MID1: variants seen among roughly 807,000 people sequenced by gnomAD.
MID1 encodes midline 1.
A neutral mutation model predicts 40.4 loss-of-function variants in MID1; 7 were observed. The observed-to-expected ratio is 0.17, with a 90% CI of 0.10 to 0.33. MID1 has a LOEUF of 0.33. MID1 is among the 10% of genes least tolerant of loss of function. The pLI, the probability that MID1 is intolerant of heterozygous loss-of-function variation, is 1.00. For missense variants in MID1, 367 were observed against 558.5 expected, an observed-to-expected ratio of 0.66 and a Z score of 3.46; for synonymous variants, 229 against 221.2, an observed-to-expected ratio of 1.04 and a Z score of -0.31.
chrX:10,521,132 C>A (rs1262749882), intron 3 of MID1, among the ~76,000 whole-genome samples: 1 of 29,811 alleles, frequency 3.4e-5, no homozygotes. Context: ...GGGGGGCGGG[C>A]GGTGGGGGAG....
At chrX:10,790,167 GCTTT>G (rs2043918489) in intron 1 of MID1, among the ~76,000 whole-genome samples, 1 of 108,270 alleles carries the variant, frequency 9.2e-6, no homozygotes, top group South Asian at 3.9e-4. Context: ...TTCCTGCTCT[GCTTT>G]CTTTTTTTTT....
intron 2 of MID1, among the ~76,000 whole-genome samples, chrX:10,533,391 A>AAAGAAAGAAAG (rs1569089898): frequency 1.8e-5 from 1 of 55,064 alleles, no homozygotes; most frequent in Admixed American, 2.3e-4. Flanking sequence ...AGAAAGAAAG[A>AAAGAAAGAAAG]AAAGAAAGAA....
chrX:10,782,111 G>A (rs751180926), intron 1 of MID1, among the ~76,000 whole-genome samples: 34 of 112,311 alleles, frequency 3.0e-4, no homozygotes, highest in African/African-American at 9.7e-4. Context: ...GCATCTCAGC[G>A]TAAAGTGATT....
Position 10,447,690 on chromosome X carries a change from G to A in MID1, c.*1678C>T, listed in dbSNP as rs1181508179. 9.0e-6 allele frequency: 1 copy of A among 111,291 alleles called. No homozygotes were observed. Among genetic ancestry groups the A allele is most frequent in the Non-Finnish European group, 1.9e-5 (1 of 53,142 alleles). The allele number at this position is 111,291 out of a possible 1,213,427, so 9.2% of individuals were successfully genotyped here. A position where few individuals can be genotyped will look rare whatever the true frequency, so the allele number is the denominator to read the frequency against. The stretch of plus-strand genomic sequence containing the variant: ...ATAGAATCTATCTGTTAAGAAAAAG[G>A]AGAGTGTCTGCTAGGGAAGAGGATG... On this transcript the variant is annotated 3_prime_UTR_variant, in exon 10 of 10. Coordinates refer to ENST00000317552, the MANE Select transcript of MID1 (RefSeq NM_000381.4).
chrX:10,768,078 A>G (rs1025193337), intron 1 of MID1, among the ~76,000 whole-genome samples: 1 of 111,800 alleles, frequency 8.9e-6, no homozygotes. Flanking sequence ...AAATGAGAGC[A>G]ATTGTTTGAA....
intron 3 of MID1, among the ~76,000 whole-genome samples, chrX:10,508,799 C>T (rs762299514): frequency 1.8e-5 from 2 of 111,813 alleles, no homozygotes; most frequent in East Asian, 2.8e-4. Context: ...ACAGAAATAC[C>T]GAAGCCAGTT....
chrX:10,505,111 A>C (rs1375325465), intron 3 of MID1, among the ~76,000 whole-genome samples: 1 of 112,073 alleles, frequency 8.9e-6, no homozygotes, highest in Non-Finnish European at 1.9e-5. Context: ...TGCTCAATAA[A>C]TATTAGTTTT....
chrX:10,509,760 G>A (rs773676866), intron 3 of MID1, among the ~76,000 whole-genome samples: 1 of 112,168 alleles, frequency 8.9e-6, no homozygotes, highest in African/African-American at 3.2e-5. Context: ...TGAGCTTATC[G>A]GACATGCTGA....
chrX:10,504,983 C>A (rs1427325402), intron 3 of MID1, among the ~76,000 whole-genome samples: 1 of 111,711 alleles, frequency 9.0e-6, no homozygotes, highest in African/African-American at 3.2e-5. Context: ...AAGGAAAAAT[C>A]ATGGACTTTA....
chrX:10,547,606 A>AGGGAGGGAGGGAGGGG (rs1933740982), intron 2 of MID1, among the ~76,000 whole-genome samples: 1 of 82,642 alleles, frequency 1.2e-5, no homozygotes, highest in African/African-American at 8.6e-5. Context: ...GAAGGAAAGA[A>AGGGAGGGAGGGAGGGG]GGGAGGGTAA....
chrX:10,769,237 T>C (rs781521723), intron 1 of MID1, among the ~76,000 whole-genome samples: 1 of 109,638 alleles, frequency 9.1e-6, no homozygotes. Flanking sequence ...AAGCTGAAAA[T>C]AAGAGCTAAA....
chrX:10,689,537 A>G (rs911242127), intron 1 of MID1, among the ~76,000 whole-genome samples: 9 of 111,535 alleles, frequency 8.1e-5, no homozygotes, highest in African/African-American at 2.9e-4. Flanking sequence ...ATCTATATCT[A>G]TGTATATTTA....
At chrX:10,730,603 G>A (rs186518120) in intron 1 of MID1, among the ~76,000 whole-genome samples, 12 of 87,830 alleles carry the variant, frequency 1.4e-4, no homozygotes, top group East Asian at 3.4e-4. Context: ...ACGGAGTCTC[G>A]CTCTGTTGCC....
intron 1 of MID1, among the ~76,000 whole-genome samples, chrX:10,731,710 C>T (rs896487747): frequency 9.0e-6 from 1 of 110,853 alleles, no homozygotes; most frequent in South Asian, 3.8e-4. Flanking sequence ...GTAATCCTAG[C>T]ACTTTGGGAG....
intron 2 of MID1, among the ~76,000 whole-genome samples, chrX:10,538,709 CCA>C (rs1933355663): frequency 8.9e-6 from 1 of 112,044 alleles, no homozygotes; most frequent in Admixed American, 9.5e-5. Context: ...ACTGCTCCTT[CCA>C]AGCTCTCAGT....
intron 1 of MID1, among the ~76,000 whole-genome samples, chrX:10,789,746 C>T (rs1012988488): frequency 8.9e-6 from 1 of 111,821 alleles, no homozygotes; most frequent in Non-Finnish European, 1.9e-5. Context: ...CCTAATAATA[C>T]CTAAGTAGGT....
At chrX:10,828,272 G>A (rs1315030827) in intron 1 of MID1, among the ~76,000 whole-genome samples, 3 of 111,390 alleles carry the variant, frequency 2.7e-5, no homozygotes, top group East Asian at 2.8e-4. Flanking sequence ...ATATGTTAGC[G>A]CATGGGATAC....
At chrX:10,817,520 CTT>C (rs2044144075) in intron 1 of MID1, among the ~76,000 whole-genome samples, 2 of 63,223 alleles carry the variant, frequency 3.2e-5, no homozygotes, top group Admixed American at 3.6e-4. Flanking sequence ...TTTTCTCTTT[CTT>C]TCTTTCTTTC....
At chrX:10,539,466 T>G (rs1372490715) in intron 2 of MID1, among the ~76,000 whole-genome samples, 1 of 111,904 alleles carries the variant, frequency 8.9e-6, no homozygotes, top group African/African-American at 3.2e-5. Flanking sequence ...TTCTTTGCAA[T>G]GTTATTCTAT....
Sources: gnomAD v4.1 joint callset for allele counts (sites outside exome capture counted in the v4.1 genomes callset) on GRCh38, gnomAD v4.1.1 for gene constraint, MANE v1.5 for transcripts, NCBI Gene and HGNC (gene_info 2026-07-23, HGNC 2026-07-21) for gene names.